The following KREMEN1 variants were observed in gnomAD, a reference collection of about 807,000 sequenced individuals.
KREMEN1 encodes kringle containing transmembrane protein 1.
A neutral mutation model predicts 46.5 loss-of-function variants in KREMEN1; 30 were observed. That is an observed-to-expected ratio of 0.65 (90% CI 0.48 to 0.88). The LOEUF is 0.88. Among genes scored for constraint, KREMEN1 ranks in the 40% least tolerant of loss-of-function variants. The pLI, the probability that KREMEN1 is intolerant of heterozygous loss-of-function variation, is 0.00. For synonymous variants in KREMEN1, 214 were observed against 230.6 expected, an observed-to-expected ratio of 0.93 and a Z score of 0.65; for missense variants, 533 against 596.9, an observed-to-expected ratio of 0.89 and a Z score of 1.11.
Position 29,085,122 on chromosome 22 carries a change from C to T in KREMEN1, c.98-9136C>T, listed in dbSNP as rs142371179. ...GATTTTAGATGGCTAACTTTATGGCCGAATTTGTTTATAGTTCTTGAAAAA... is the reference window on the plus strand; with the variant it reads ...GATTTTAGATGGCTAACTTTATGGCTGAATTTGTTTATAGTTCTTGAAAAA... On this transcript the variant is annotated intron_variant, in intron 1 of 8. Coordinates refer to ENST00000400335, the MANE Select transcript of KREMEN1 (RefSeq NM_001039570.3). Among the ~76,000 whole-genome samples, 8 of 151,934 alleles carry T rather than the reference C, an allele frequency of 5.3e-5. No homozygotes were observed. The East Asian group carries it at 5.8e-4, about 11-fold the overall frequency.
At position 29,073,194 on chromosome 22, in the gene KREMEN1, C is replaced by T; in HGVS notation, c.64C>T (p.Pro22Ser). Reference sequence around the variant, plus strand: ...CGCGGCGCTCACGCTGGCGGCCCGGCCCGCGCCTAGCCCCGGCCTCGGCCC... The same window carrying T: ...CGCGGCGCTCACGCTGGCGGCCCGGTCCGCGCCTAGCCCCGGCCTCGGCCC... ...SAAALTLAARPAPSPGLGPGP... is the reference protein window; with the variant it reads ...SAAALTLAARSAPSPGLGPGP... Residue 22 changes from proline (P) to serine (S), a missense_variant, in exon 1 of 9, where the codon CCC (proline) becomes TCC (serine). Physicochemically the swap from Pro to Ser is moderately conservative, Grantham distance 74. Transcript: ENST00000400335. This position sits in a 1 kb window ranked among gnomAD's most constrained non-coding sequence, Gnocchi z 4.4. 1 of 1,192,498 alleles carries T rather than the reference C, an allele frequency of 8.4e-7. No homozygotes were observed. Among genetic ancestry groups the T allele is most frequent in the Non-Finnish European group, 1.0e-6 (1 of 964,576 alleles). 73.9% of individuals were successfully genotyped at this position (1,192,498 alleles called of 1,614,324 possible). A position where few individuals can be genotyped will look rare whatever the true frequency, so the allele number is the denominator to read the frequency against.
At chr22:29,080,885 A>G (rs1316741647) in intron 1 of KREMEN1, among the ~76,000 whole-genome samples, 1 of 151,588 alleles carries the variant, frequency 6.6e-6, no homozygotes, top group Non-Finnish European at 1.5e-5. Context: ...TACAGCCCAA[A>G]ATGTCAGTAG....
intron 3 of KREMEN1, among the ~76,000 whole-genome samples, chr22:29,113,955 A>G (rs1226815855): frequency 6.6e-6 from 1 of 152,218 alleles, no homozygotes; most frequent in African/African-American, 2.4e-5. Flanking sequence ...TGACAGTAAT[A>G]AGAAGTAGAT....
At chr22:29,087,256 T>A (rs1292888707) in intron 1 of KREMEN1, among the ~76,000 whole-genome samples, 3 of 152,168 alleles carry the variant, frequency 2.0e-5, no homozygotes, top group Non-Finnish European at 4.4e-5. Flanking sequence ...ACCAGACAGA[T>A]TCTTCCAACA....
intron 1 of KREMEN1, among the ~76,000 whole-genome samples, chr22:29,088,212 G>A (rs920894782): frequency 1.3e-5 from 2 of 152,060 alleles, no homozygotes; most frequent in African/African-American, 2.4e-5. Context: ...CAGAATTGTA[G>A]TAGGATGATG....
intron 3 of KREMEN1, chr22:29,099,531 G>A (rs191866833): frequency 2.8e-5 from 4 of 141,960 alleles, no homozygotes; most frequent in South Asian, 2.3e-4. Flanking sequence ...ATTTATTCCC[G>A]TATTCACTTT....
chr22:29,094,162 C>T, intron 1 of KREMEN1, 96 bp from the exon 2 acceptor site: 1 of 1,015,040 alleles, frequency 9.9e-7, no homozygotes. Context: ...TATCCATTTC[C>T]AGCTTGGTCC....
At chr22:29,119,127 C>T (rs527376108) in intron 3 of KREMEN1, among the ~76,000 whole-genome samples, 18 of 152,122 alleles carry the variant, frequency 1.2e-4, no homozygotes, top group Non-Finnish European at 2.1e-4. Context: ...GCAGGAGGAT[C>T]GCTTGAGCCT....
intron 4 of KREMEN1, among the ~76,000 whole-genome samples, chr22:29,123,783 C>G (rs1329153183): frequency 6.6e-6 from 1 of 152,134 alleles, no homozygotes; most frequent in African/African-American, 2.4e-5. Context: ...GAGTGAGACT[C>G]TATCTGAAAA....
intron 3 of KREMEN1, among the ~76,000 whole-genome samples, chr22:29,104,000 A>G (rs1424543611): frequency 6.6e-6 from 1 of 152,140 alleles, no homozygotes; most frequent in Non-Finnish European, 1.5e-5. Flanking sequence ...ATGCTGGGTG[A>G]TGGGTTCATT....
At chr22:29,084,682 C>T (rs978851117) in intron 1 of KREMEN1, among the ~76,000 whole-genome samples, 8 of 152,142 alleles carry the variant, frequency 5.3e-5, no homozygotes, top group African/African-American at 1.4e-4. Flanking sequence ...GCCTTCTCTC[C>T]GAAGCGTTTT....
Position 29,143,871 on chromosome 22 carries a change from T to C in KREMEN1, c.*1759T>C, listed in dbSNP as rs1172237765. 1 of 985,218 alleles carries C rather than the reference T, an allele frequency of 1.0e-6. No individual in the cohort carries two copies. Among genetic ancestry groups the C allele is most frequent in the Non-Finnish European group, 1.2e-6 (1 of 829,906 alleles). The allele number at this position is 985,218 out of a possible 1,614,324, so 61.0% of individuals were successfully genotyped here. A position where few individuals can be genotyped will look rare whatever the true frequency, so the allele number is the denominator to read the frequency against. On this transcript the variant is annotated 3_prime_UTR_variant, in exon 9 of 9. Coordinates refer to ENST00000400335, the MANE Select transcript of KREMEN1 (RefSeq NM_001039570.3). Reference sequence around the variant, plus strand: ...CCCAGTCCCTTGCCACCCTGTCCCTTAGATAGGGAGGTGGGCTGCAGAGAT... The same window carrying C: ...CCCAGTCCCTTGCCACCCTGTCCCTCAGATAGGGAGGTGGGCTGCAGAGAT...
At chr22:29,149,600 C>A (rs1053217629), downstream of KREMEN1, among the ~76,000 whole-genome samples, 2 of 152,066 alleles carry the variant, frequency 1.3e-5, no homozygotes, top group Non-Finnish European at 2.9e-5. Flanking sequence ...ACAAACAGGG[C>A]GGCCTTGCTG....
intron 1 of KREMEN1, among the ~76,000 whole-genome samples, chr22:29,085,892 G>A (rs1437681090): frequency 6.6e-6 from 1 of 151,726 alleles, no homozygotes; most frequent in Non-Finnish European, 1.5e-5. Context: ...GATCACTTGA[G>A]CCCAGGAGGT....
intron 1 of KREMEN1, among the ~76,000 whole-genome samples, chr22:29,075,058 G>A (rs2037545398): frequency 6.6e-6 from 1 of 152,116 alleles, no homozygotes; most frequent in African/African-American, 2.4e-5. Flanking sequence ...AGTAGAACTG[G>A]GGTCTCCAAG....
intron 9 of KREMEN1, among the ~76,000 whole-genome samples, chr22:29,163,533 C>T (rs1235910011): frequency 2.0e-5 from 3 of 152,040 alleles, no homozygotes; most frequent in African/African-American, 7.2e-5. Flanking sequence ...GCCACCACCA[C>T]GCCCAGCTAA....
intron 5 of KREMEN1, among the ~76,000 whole-genome samples, chr22:29,136,854 C>A (rs2038665709): frequency 6.6e-6 from 1 of 152,186 alleles, no homozygotes; most frequent in Non-Finnish European, 1.5e-5. Context: ...ACTGGGGACA[C>A]ACAAGCAGCT....
chr22:29,147,507 C>T (rs993562329), downstream of KREMEN1, among the ~76,000 whole-genome samples: 4 of 152,242 alleles, frequency 2.6e-5, no homozygotes, highest in African/African-American at 9.6e-5. Flanking sequence ...GCTGGGAGCA[C>T]AGCCCTGGAG....
intron 3 of KREMEN1, among the ~76,000 whole-genome samples, chr22:29,100,208 T>C (rs1264348480): frequency 2.0e-5 from 3 of 151,552 alleles, no homozygotes; most frequent in Admixed American, 1.3e-4. Context: ...CTCCGCCTCC[T>C]GGATTCAAGT....
Sources: allele counts gnomAD v4.1 joint callset (sites outside exome capture counted in the v4.1 genomes callset), GRCh38; gene constraint gnomAD v4.1.1; non-coding constraint Gnocchi (gnomAD v3.1); transcripts MANE v1.5; gene names NCBI Gene and HGNC (gene_info 2026-07-23, HGNC 2026-07-21).